The following QPCT variants were observed in gnomAD, a reference collection of about 807,000 sequenced individuals.
The protein encoded by QPCT is glutaminyl-peptide cyclotransferase.
Under a neutral mutation model 43.4 loss-of-function variants are expected in QPCT, and 44 were observed. The ratio of observed to expected loss-of-function variants is 1.01; its 90% CI spans 0.80 to 1.30. The LOEUF (loss-of-function observed/expected upper bound fraction) is 1.30, where lower values mean the gene tolerates loss of function less well. QPCT is among the 50% of genes most tolerant of loss of function. QPCT has a pLI of 0.00. For synonymous variants in QPCT, 168 were observed against 168.4 expected (o/e 1.00, Z 0.02); for missense variants, 526 against 436.5 (o/e 1.21, Z -1.83).
chr2:37,362,221 TGTCCCAACCGGTCCC>T (rs998262412), intron 3 of QPCT, among the ~76,000 whole-genome samples: 1 of 152,240 alleles, frequency 6.6e-6, no homozygotes, highest in African/African-American at 2.4e-5. Context: ...GAATGCCTCT[TGTCCCAACCGGTCCC>T]GTTCTGCCCT....
rs1673104434 is a variant in QPCT at position 37,372,647 on chromosome 2, A to G, written c.941-35A>G. 6 of 1,602,720 alleles carry G rather than the reference A, an allele frequency of 3.7e-6. No individual in the cohort carries two copies. The East Asian group carries it at 1.1e-4, about 30-fold the overall frequency. On this transcript the variant is annotated intron_variant, in intron 6 of 6. Coordinates refer to ENST00000338415, the MANE Select transcript of QPCT (RefSeq NM_012413.4). ...CCTTTCTAGTTTACTCACTGGAGTA[A>G]TGCACATTGTTACAAGTTGGTTCTT... is the stretch of plus-strand genomic sequence containing the variant.
intron 1 of QPCT, among the ~76,000 whole-genome samples, chr2:37,350,467 A>G (rs1672596869): frequency 6.6e-6 from 1 of 152,262 alleles, no homozygotes; most frequent in South Asian, 2.1e-4. Context: ...CTGCACTGAC[A>G]AGTTTATCAA....
Position 37,359,587 on chromosome 2 carries a change from T to C in QPCT, c.275T>C (p.Met92Thr), listed in dbSNP as rs916612458. Residue 92 changes from methionine to threonine, a missense_variant, in exon 3 of 7, where the codon ATG becomes ACG. Transcript: ENST00000338415. Reference sequence around the variant, plus strand: ...TTTTTTTGTTTTGATCAGCACATCATGCAGCGAATTCAGAGGCTTCAGGCT... The same window carrying C: ...TTTTTTTGTTTTGATCAGCACATCACGCAGCGAATTCAGAGGCTTCAGGCT... ...PGSYAARQHI[M>T]QRIQRLQADW... The C allele has an allele frequency of 2.5e-6, 4 of 1,613,680 alleles. No homozygotes were observed. The highest frequency in any genetic ancestry group is 3.4e-6 in the Non-Finnish European group (4 of 1,179,612).
rs1673008560 is a variant in QPCT at position 37,368,485 on chromosome 2, AGCTTATTCCCAGCACCCCC to A, written c.723+1087_723+1105del. ...ACGCTCACCCCATCTGTGAACTGAT[AGCTTATTCCCAGCACCCCC>A]GCTTATTCCTATCCATTGCCCTATC... On this transcript the variant is annotated intron_variant, in intron 4 of 6. Coordinates refer to ENST00000338415, the MANE Select transcript of QPCT (RefSeq NM_012413.4). 4.1e-5 allele frequency: 17 copies of A among 417,340 alleles called. No homozygotes were observed. The Admixed American group carries it at 4.5e-4, about 11-fold the overall frequency. The allele number at this position is 417,340 out of a possible 1,614,324, so 25.9% of individuals were successfully genotyped here.
At chr2:37,368,804 A>G (rs1009062332) in intron 4 of QPCT, 14 of 361,054 alleles carry the variant, frequency 3.9e-5, no homozygotes, top group African/African-American at 8.7e-5. Flanking sequence ...TGATTCATAT[A>G]TTTGGACTGA....
At chr2:37,351,460 A>G (rs767158299) in intron 1 of QPCT, among the ~76,000 whole-genome samples, 1 of 152,244 alleles carries the variant, frequency 6.6e-6, no homozygotes, top group Non-Finnish European at 1.5e-5. Flanking sequence ...TGTTATGTGA[A>G]CTTTAATGCA....
intron 1 of QPCT, among the ~76,000 whole-genome samples, chr2:37,347,144 T>TTTTATATATATATATATATA (rs1389307350): frequency 1.8e-5 from 1 of 55,342 alleles, no homozygotes; most frequent in Non-Finnish European, 2.9e-5. Flanking sequence ...ATGGGGTGTT[T>TTTTATATATATATATATATA]TATATATATA....
intron 1 of QPCT, among the ~76,000 whole-genome samples, chr2:37,348,008 G>T (rs1455441921): frequency 6.6e-6 from 1 of 151,664 alleles, no homozygotes; most frequent in South Asian, 2.1e-4. Context: ...AGAGATAATG[G>T]CTATTAACCA....
At chr2:37,369,999 G>A (rs1029216980) in intron 5 of QPCT, among the ~76,000 whole-genome samples, 6 of 151,872 alleles carry the variant, frequency 4.0e-5, no homozygotes, top group East Asian at 3.9e-4. Flanking sequence ...TAGTAGAGAC[G>A]GGGTTTCACT....
intron 2 of QPCT, among the ~76,000 whole-genome samples, chr2:37,356,173 A>G (rs771484722): frequency 8.5e-5 from 13 of 152,220 alleles, no homozygotes; most frequent in Non-Finnish European, 1.8e-4. Flanking sequence ...AGGATCATTC[A>G]CTAGTGTTAA....
rs1310138314 is a variant in QPCT, at chr2:37,352,910, C to T, written c.242C>T (p.Ser81Phe). 4 of 1,613,904 alleles carry T rather than the reference C, an allele frequency of 2.5e-6. No homozygotes were observed. Among genetic ancestry groups the T allele is most frequent in the Middle Eastern group, 1.6e-4 (1 of 6,062 alleles). Residue 81 changes from serine to phenylalanine, a missense_variant, in exon 2 of 7, where the codon TCC (serine) becomes TTC (phenylalanine). Physicochemically the swap from Ser to Phe is radical, Grantham distance 155 (BLOSUM62 -2). Coordinates refer to ENST00000338415, the MANE Select transcript of QPCT (RefSeq NM_012413.4). Reference sequence around the variant, plus strand: ...TTGCTGATAGAGCGATACCCGGGATCCCCTGGAAGCTATGCTGCTCGTCAG... The same window carrying T: ...TTGCTGATAGAGCGATACCCGGGATTCCCTGGAAGCTATGCTGCTCGTCAG... ...QPLLIERYPG[S>F]PGSYAARQHI...
intron 2 of QPCT, among the ~76,000 whole-genome samples, chr2:37,356,606 A>G (rs1672752168): frequency 6.6e-6 from 1 of 152,234 alleles, no homozygotes; most frequent in Non-Finnish European, 1.5e-5. Context: ...AGCCAAAAAC[A>G]AAACAAGGGA....
At chr2:37,344,997 C>G in intron 1 of QPCT, 146 bp downstream of exon 1, 1 of 1,218,992 alleles carries the variant, frequency 8.2e-7, no homozygotes, top group Non-Finnish European at 1.1e-6. Flanking sequence ...ACCCGGCGCC[C>G]GGAGGAGTCG....
chr2:37,367,235 G>GT lies in QPCT; in HGVS notation c.553dup (p.Ser185PhefsTer15). 6.2e-7 allele frequency: 1 copy of GT among 1,612,168 alleles called. No homozygotes were observed. The highest frequency in any genetic ancestry group is 8.5e-7 in the Non-Finnish European group (1 of 1,179,146). ...TTTTTATTGTTGTTTTTACCAGACT[G>GT]TTTCAGACTCCAAGCCAGATTTGTC... On this transcript the variant is annotated frameshift_variant, in exon 4 of 7. Coordinates refer to ENST00000338415, the MANE Select transcript of QPCT (RefSeq NM_012413.4). LOFTEE classifies it high-confidence loss of function.
chr2:37,358,878 A>G (rs1672802909), intron 2 of QPCT: 1 of 152,328 alleles, frequency 6.6e-6, no homozygotes, highest in African/African-American at 2.4e-5. Context: ...TTTCTACGTT[A>G]TCCTTAGCAG....
chr2:37,366,921 G>A (rs1672976273), intron 3 of QPCT, among the ~76,000 whole-genome samples: 1 of 152,200 alleles, frequency 6.6e-6, no homozygotes, highest in Non-Finnish European at 1.5e-5. Flanking sequence ...TATGGGAAGT[G>A]GGTGGTGTAT....
intron 2 of QPCT, among the ~76,000 whole-genome samples, chr2:37,356,427 A>C (rs1022423678): frequency 6.6e-6 from 1 of 151,978 alleles, no homozygotes; most frequent in Non-Finnish European, 1.5e-5. Context: ...GCCTTTCGGC[A>C]CTCCTGGAGG....
At chr2:37,346,376 C>T (rs959462087) in intron 1 of QPCT, among the ~76,000 whole-genome samples, 1 of 152,204 alleles carries the variant, frequency 6.6e-6, no homozygotes, top group Non-Finnish European at 1.5e-5. Context: ...TGAGAATACC[C>T]TTCTGGTCAG....
At chr2:37,353,030 T>A (rs967971944) in intron 2 of QPCT, 95 bp downstream of exon 2, 2 of 1,378,878 alleles carry the variant, frequency 1.5e-6, no homozygotes, top group African/African-American at 1.4e-5. Flanking sequence ...TGTCTAATAT[T>A]CAGATCTGTC....
Sources: gnomAD v4.1 joint callset for allele counts (sites outside exome capture counted in the v4.1 genomes callset) on GRCh38, gnomAD v4.1.1 for gene constraint, MANE v1.5 for transcripts, NCBI Gene and HGNC (gene_info 2026-07-23, HGNC 2026-07-21) for gene names.